The following CHD9 variants were observed in gnomAD, a reference collection of about 807,000 sequenced individuals.
The protein encoded by CHD9 is ATP-dependent chromatin remodeler CHD9.
In CHD9, 77 loss-of-function variants were observed where a neutral mutation model predicts 316.1. The observed-to-expected ratio is 0.24, with a 90% CI of 0.20 to 0.29. CHD9 has a LOEUF of 0.29. Ranked by LOEUF, CHD9 falls within the 10% of genes least tolerant of loss-of-function variation. The pLI is 1.00. For synonymous variants in CHD9, 1,129 were observed against 1,158.3 expected (o/e 0.97, Z 0.51); for missense variants, 2,763 against 3,438.1 (o/e 0.80, Z 4.91).
intron 17 of CHD9, chr16:53,250,313 A>G (rs2050019718): frequency 2.4e-6 from 1 of 418,358 alleles, no homozygotes; most frequent in Non-Finnish European, 4.2e-6. Flanking sequence ...AAAAAATTAT[A>G]CCTAATTGAG....
intron 37 of CHD9, chr16:53,319,855 T>C (rs2057144091): frequency 1.6e-6 from 2 of 1,253,598 alleles, no homozygotes; most frequent in South Asian, 2.7e-5. Flanking sequence ...ATCTACCTGC[T>C]AAATCCCCAT....
At chr16:53,137,685 A>G (rs1031588597) in intron 1 of CHD9, among the ~76,000 whole-genome samples, 2 of 152,230 alleles carry the variant, frequency 1.3e-5, no homozygotes. Context: ...AATGAGATAC[A>G]GTACAAAGGA....
intron 2 of CHD9, among the ~76,000 whole-genome samples, chr16:53,187,308 G>T (rs188326472): frequency 2.8e-4 from 43 of 152,262 alleles, no homozygotes; most frequent in Non-Finnish European, 2.1e-4. Context: ...AGGAGTTTGA[G>T]ACCAGCTTGG....
chr16:53,131,426 G>GCGGGCCCGCGGGGAGGC (rs1323288960), intron 1 of CHD9: 1 of 145,098 alleles, frequency 6.9e-6, no homozygotes, highest in Non-Finnish European at 1.5e-5. Flanking sequence ...GGTCGGGCGG[G>GCGGGCCCGCGGGGAGGC]CGGGCCCGCG....
At chr16:53,240,290 A>AT (rs1334474702) in intron 12 of CHD9, among the ~76,000 whole-genome samples, 1 of 152,276 alleles carries the variant, frequency 6.6e-6, no homozygotes, top group Middle Eastern at 3.4e-3. Flanking sequence ...TGACATTCTC[A>AT]TTTTTTATAG....
chr16:53,317,710 A>G (rs563043043), intron 36 of CHD9, among the ~76,000 whole-genome samples: 1 of 152,098 alleles, frequency 6.6e-6, no homozygotes, highest in African/African-American at 2.4e-5. Flanking sequence ...CCCGGGCTTA[A>G]CTTTTTTAAT....
intron 1 of CHD9, among the ~76,000 whole-genome samples, chr16:53,087,022 T>A (rs2035520439): frequency 6.6e-6 from 1 of 152,102 alleles, no homozygotes; most frequent in Non-Finnish European, 1.5e-5. Context: ...CTAAACCTTC[T>A]CAAATCCATT....
chr16:53,243,300 G>A (rs902379539), intron 13 of CHD9, among the ~76,000 whole-genome samples: 4 of 152,082 alleles, frequency 2.6e-5, no homozygotes, highest in African/African-American at 9.6e-5. Context: ...AAATAAGACC[G>A]TAAGTTTTTG....
intron 1 of CHD9, among the ~76,000 whole-genome samples, chr16:53,089,511 T>C (rs2035756064): frequency 6.6e-6 from 1 of 152,058 alleles, no homozygotes; most frequent in South Asian, 2.1e-4. Flanking sequence ...CAAACAGGAG[T>C]ACAGGTATTG....
At position 53,157,398 on chromosome 16, in the gene CHD9, G is replaced by A; in HGVS notation, c.1309G>A (p.Asp437Asn). ...NSSHILDHDLDRQFTSHLVTR... is the reference protein window; with the variant it reads ...NSSHILDHDLNRQFTSHLVTR... ...AAGTCACATTTTAGATCATGACCTT[G>A]ATCGGCAGTTTACTTCGCATCTGGT... The change falls in exon 2 of 39, where the codon GAT (aspartate) becomes AAT (asparagine). Residue 437 changes from aspartate to asparagine, a missense_variant. Physicochemically the swap from Asp to Asn is conservative, Grantham distance 23. Transcript: ENST00000447540. 6.2e-7 allele frequency: 1 copy of A among 1,613,956 alleles called. No homozygotes were observed. The highest frequency in any genetic ancestry group is 8.5e-7 in the Non-Finnish European group (1 of 1,179,868).
chr16:53,114,862 C>T (rs901458677), intron 1 of CHD9, among the ~76,000 whole-genome samples: 2 of 152,244 alleles, frequency 1.3e-5, no homozygotes, highest in African/African-American at 4.8e-5. Context: ...GCTGGGATTA[C>T]AGGCGTGAGC....
intron 1 of CHD9, among the ~76,000 whole-genome samples, chr16:53,125,713 A>G (rs77999906): frequency 0.011 from 1,746 of 152,330 alleles, 41 homozygotes; most frequent in African/African-American, 0.039. Context: ...CCCATACTGT[A>G]TGATGGACTG....
intron 19 of CHD9, among the ~76,000 whole-genome samples, chr16:53,256,084 G>A (rs1456033895): frequency 6.6e-6 from 1 of 152,140 alleles, no homozygotes; most frequent in Non-Finnish European, 1.5e-5. Flanking sequence ...CAAAATGTAA[G>A]TAATGTAAGA....
At position 53,320,285 on chromosome 16, in the gene CHD9, C is replaced by A. The variant is rs572857708; in HGVS notation, c.7714-1241C>A. On this transcript the variant is annotated intron_variant, in intron 37 of 38. Transcript: ENST00000447540. ...CCTGTAATGACAACACTTTGGGAGG[C>A]CAAGGTGGGTGGATCATCTGAGGTC... Among the ~76,000 whole-genome samples the A allele has an allele frequency of 3.3e-5, 5 of 151,712 alleles. No homozygotes were observed. The East Asian group carries it at 9.7e-4, about 29-fold the overall frequency.
intron 1 of CHD9, among the ~76,000 whole-genome samples, chr16:53,107,470 AAAATAAAATAAAATAAAAT>A (rs1253846654): frequency 0.014 from 1,969 of 144,436 alleles, 46 homozygotes; most frequent in African/African-American, 0.047. Context: ...AAAATAAAAT[AAAATAAAATAAAATAAAAT>A]AAATAAAATA....
rs778047596 is a variant in CHD9, at chr16:53,156,066, C to G, written c.-24C>G. Reference sequence around the variant, plus strand: ...ATATACTCCATTTGGAGTGAACAGCCCGGATTGTTACAGAATTTTCAAGAT... The same window carrying G: ...ATATACTCCATTTGGAGTGAACAGCGCGGATTGTTACAGAATTTTCAAGAT... On this transcript the variant is annotated 5_prime_UTR_variant, in exon 2 of 39. Transcript: ENST00000447540. 6.3e-7 allele frequency: 1 copy of G among 1,597,032 alleles called. No homozygotes were observed. The highest frequency in any genetic ancestry group is 1.3e-5 in the African/African-American group (1 of 74,738).
chr16:53,322,030 C>T (rs1166831113), intron 38 of CHD9, among the ~76,000 whole-genome samples: 2 of 144,904 alleles, frequency 1.4e-5, no homozygotes, highest in Non-Finnish European at 3.0e-5. Context: ...CAGGATCCCT[C>T]TCTGTCACCC....
chr16:53,165,318 C>T (rs987991731), intron 2 of CHD9, among the ~76,000 whole-genome samples: 2 of 152,064 alleles, frequency 1.3e-5, no homozygotes, highest in African/African-American at 4.8e-5. Context: ...GTGGCAATTA[C>T]AAAAGGTGAA....
chr16:53,091,189 T>G (rs1165787456), intron 1 of CHD9, among the ~76,000 whole-genome samples: 2 of 152,146 alleles, frequency 1.3e-5, no homozygotes, highest in Non-Finnish European at 2.9e-5. Context: ...GAAGGAAGCC[T>G]GGGAAGGGAA....
Sources: allele counts gnomAD v4.1 joint callset (sites outside exome capture counted in the v4.1 genomes callset), GRCh38; gene constraint gnomAD v4.1.1; transcripts MANE v1.5; gene names NCBI Gene and HGNC (gene_info 2026-07-23, HGNC 2026-07-21).